Variants in SLC27A2 observed in about 807,000 individuals in gnomAD.
SLC27A2 encodes the protein solute carrier family 27 member 2.
In SLC27A2, 54 loss-of-function variants were observed where a neutral mutation model predicts 60.0. The observed-to-expected ratio is 0.90, with a 90% confidence interval of 0.72 to 1.13. SLC27A2 has a LOEUF of 1.13. SLC27A2 is among the 50% of genes most tolerant of loss of function. The probability of loss-of-function intolerance (pLI) is 0.00; values close to 1 mark genes in which losing one functional copy is unlikely to be tolerated. For missense variants in SLC27A2, 739 were observed against 777.6 expected, an observed-to-expected ratio of 0.95 and a Z score of 0.59; for synonymous variants, 297 against 297.6, an observed-to-expected ratio of 1.00 and a Z score of 0.02.
intron 2 of SLC27A2, among the ~76,000 whole-genome samples, chr15:50,198,799 A>G (rs1567429207): frequency 6.6e-6 from 1 of 152,152 alleles, no homozygotes. Context: ...TTAAATAATC[A>G]ATAGACCAGG....
At chr15:50,227,477 C>G (rs1475812063) in intron 7 of SLC27A2, among the ~76,000 whole-genome samples, 1 of 152,194 alleles carries the variant, frequency 6.6e-6, no homozygotes, top group Non-Finnish European at 1.5e-5. Flanking sequence ...ACTGGTCACT[C>G]TTAGGACAGC....
chr15:50,187,026 A>C (rs2044930603), intron 1 of SLC27A2, among the ~76,000 whole-genome samples: 1 of 152,230 alleles, frequency 6.6e-6, no homozygotes, highest in Non-Finnish European at 1.5e-5. Context: ...AGAGGCATTT[A>C]TCATGAGGAT....
chr15:50,183,558 A>C (rs567017804), intron 1 of SLC27A2, among the ~76,000 whole-genome samples: 17 of 152,282 alleles, frequency 1.1e-4, no homozygotes, highest in East Asian at 3.9e-4. Context: ...CATCTATCAC[A>C]ATAGTGACCC....
At chr15:50,220,387 G>C in intron 4 of SLC27A2, among the ~76,000 whole-genome samples, 1 of 152,244 alleles carries the variant, frequency 6.6e-6, no homozygotes, top group East Asian at 1.9e-4. Context: ...GGATGACATA[G>C]AGATACATGT....
intron 4 of SLC27A2, among the ~76,000 whole-genome samples, chr15:50,209,009 G>A (rs939538774): frequency 1.3e-5 from 2 of 152,112 alleles, no homozygotes; most frequent in African/African-American, 2.4e-5. Flanking sequence ...GTCTGTACTG[G>A]ACAAGGCTCC....
chr15:50,187,990 A>T (rs2555485), intron 1 of SLC27A2, among the ~76,000 whole-genome samples: 117,831 of 147,226 alleles, frequency 0.8, 47,983 homozygotes, highest in East Asian at 0.95. Flanking sequence ...AAAAAAGGAG[A>T]GAGAGTCCCA....
chr15:50,234,378 G>A (rs6493421), intron 9 of SLC27A2, among the ~76,000 whole-genome samples: 22,005 of 151,854 alleles, frequency 0.14, 1,639 homozygotes, highest in Middle Eastern at 0.18. Flanking sequence ...ACCTGAGGTC[G>A]GGGGTTCGAG....
At position 50,184,545 on chromosome 15, in the gene SLC27A2, C is replaced by G. The variant is rs777681779; in HGVS notation, c.478+1640C>G. 7.2e-4 allele frequency among the ~76,000 whole-genome samples: 110 copies of G among 151,756 alleles called. 1 individual carries two copies. Among genetic ancestry groups the G allele is most frequent in the Middle Eastern group, 3.2e-3 (1 of 316 alleles). ...GTATAAAAGTTTAAAAGCAGAAAGC[C>G]AAATTTTAGGCTGGGCGCAGTGGCT... On this transcript the variant is annotated intron_variant, in intron 1 of 9. Coordinates refer to ENST00000267842, the MANE Select transcript of SLC27A2 (RefSeq NM_003645.4).
intron 1 of SLC27A2, among the ~76,000 whole-genome samples, chr15:50,189,396 T>C (rs2044954924): frequency 6.6e-6 from 1 of 152,008 alleles, no homozygotes; most frequent in Non-Finnish European, 1.5e-5. Flanking sequence ...GACCTGTGAG[T>C]AGGGTGGTGG....
chr15:50,223,201 A>G (rs766820052), intron 5 of SLC27A2, 42 bp downstream of exon 5: 5 of 1,448,626 alleles, frequency 3.5e-6, no homozygotes, highest in Admixed American at 1.9e-5. Context: ...GCCAGTTTTC[A>G]GAATACAGAG....
rs1178220545 is a variant in SLC27A2, at chr15:50,205,316, A to T, written c.925A>T (p.Ile309Phe). The change falls in exon 4 of 10, where the codon ATT becomes TTT. Residue 309 changes from isoleucine (I) to phenylalanine (F), a missense_variant. Ile to Phe is a conservative substitution (Grantham distance 21). Transcript: ENST00000267842. ...CTGCAGAAAATACAACGTCACTGTC[A>T]TTCAGTATATCGGTGAACTGCTTCG... is the stretch of plus-strand genomic sequence containing the variant. Reference protein sequence around the residue: ...DDCRKYNVTVIQYIGELLRYL... With the variant: ...DDCRKYNVTVFQYIGELLRYL... 3.7e-6 allele frequency: 6 copies of T among 1,611,286 alleles called. No homozygotes were observed. The highest frequency in any genetic ancestry group is 5.1e-6 in the Non-Finnish European group (6 of 1,178,250).
intron 1 of SLC27A2, among the ~76,000 whole-genome samples, chr15:50,190,631 AAG>A (rs1480557373): frequency 5.9e-5 from 8 of 134,488 alleles, no homozygotes; most frequent in African/African-American, 2.1e-4. Flanking sequence ...AAAAAAAAAA[AAG>A]GCAGGGGCAG....
At position 50,226,986 on chromosome 15, in the gene SLC27A2, T is replaced by C. The variant is rs767872365; in HGVS notation, c.1265T>C (p.Val422Ala). 7 of 1,613,344 alleles carry C rather than the reference T, an allele frequency of 4.3e-6. No individual in the cohort carries two copies. Among genetic ancestry groups the C allele is most frequent in the African/African-American group, 2.7e-5 (2 of 74,882 alleles). The change falls in exon 7 of 10, where the codon GTT becomes GCT. Residue 422 changes from valine to alanine, a missense_variant. Coordinates refer to ENST00000267842, the MANE Select transcript of SLC27A2 (RefSeq NM_003645.4). ...TTACTTTCTTCTGTCTTAGGTGAAG[T>C]TGGACTTCTGGTTTGCAAAATCACA... ...GYCVRVPKGE[V>A]GLLVCKITQL...
intron 7 of SLC27A2, among the ~76,000 whole-genome samples, chr15:50,228,010 A>G (rs1376732886): frequency 6.6e-6 from 1 of 152,140 alleles, no homozygotes; most frequent in Non-Finnish European, 1.5e-5. Flanking sequence ...CATCTCTACT[A>G]TTCCATGTCT....
At position 50,223,128 on chromosome 15, in the gene SLC27A2, G is replaced by A; in HGVS notation, c.1136G>A (p.Gly379Asp). 6.2e-7 allele frequency: 1 copy of A among 1,613,774 alleles called. No individual in the cohort carries two copies. Among genetic ancestry groups the A allele is most frequent in the Non-Finnish European group, 8.5e-7 (1 of 1,179,842 alleles). Residue 379 changes from glycine to aspartate, a missense_variant, in exon 5 of 10, where the codon GGT (glycine) becomes GAT (aspartate). Physicochemically the swap from Gly to Asp is moderately conservative, Grantham distance 94. Transcript: ENST00000267842. ...TTTATGAATTATGCGAGAAAAGTTG[G>A]TGCTGTTGGAAGAGTAAACTACCTA... ...IGFMNYARKVGAVGRVNYLQK... is the reference protein window; with the variant it reads ...IGFMNYARKVDAVGRVNYLQK...
rs372514320 is a variant in SLC27A2 at position 50,182,847 on chromosome 15, G to C, written c.420G>C (p.Ala140=). ...CGTGCCTCAATTACAACATCCGCGCGAAGTCCCTGCTGCACTGCTTCCAGT... is the reference window on the plus strand; with the variant it reads ...CGTGCCTCAATTACAACATCCGCGCCAAGTCCCTGCTGCACTGCTTCCAGT... ...AMACLNYNIR[A]KSLLHCFQCC... The change falls in exon 1 of 10, where the codon GCG becomes GCC. Residue 140 remains alanine, a synonymous_variant. Transcript: ENST00000267842. 1 of 1,613,158 alleles carries C rather than the reference G, an allele frequency of 6.2e-7. No individual in the cohort carries two copies. The highest frequency in any genetic ancestry group is 1.1e-5 in the South Asian group (1 of 91,072).
chr15:50,197,636 T>C lies in SLC27A2; in HGVS notation c.615T>C (p.Pro205=), dbSNP rs1229660804. ...AAGTGGATGAAGTATCAACTGAACCTATCCCAGAGTCATGGAGGTCTGAAG... is the reference window on the plus strand; with the variant it reads ...AAGTGGATGAAGTATCAACTGAACCCATCCCAGAGTCATGGAGGTCTGAAG... ...LDKVDEVSTE[P]IPESWRSEVT... Residue 205 remains proline (P), a synonymous_variant, in exon 2 of 10, where the codon CCT becomes CCC. Transcript: ENST00000267842. 1.4e-5 allele frequency: 23 copies of C among 1,614,136 alleles called. 1 individual carries two copies. Among genetic ancestry groups the C allele is most frequent in the South Asian group, 2.2e-5 (2 of 91,084 alleles).
chr15:50,197,406 A>C, intron 1 of SLC27A2, 94 bp from the exon 2 acceptor site: 1 of 934,510 alleles, frequency 1.1e-6, no homozygotes, highest in Non-Finnish European at 1.6e-6. Flanking sequence ...GCAAAAAATT[A>C]TGCTGAAAAT....
chr15:50,183,995 T>TTTTTTTTC (rs1491272666), intron 1 of SLC27A2, among the ~76,000 whole-genome samples: 1 of 10,328 alleles, frequency 9.7e-5, no homozygotes, highest in African/African-American at 4.4e-4. Flanking sequence ...TTCCTACATC[T>TTTTTTTTC]TTTTTTTTTT....
Sources: allele counts gnomAD v4.1 joint callset (sites outside exome capture counted in the v4.1 genomes callset), GRCh38; gene constraint gnomAD v4.1.1; transcripts MANE v1.5; gene names NCBI Gene and HGNC (gene_info 2026-07-23, HGNC 2026-07-21).